The following LRRC41 variants were observed in gnomAD, a reference collection of about 807,000 sequenced individuals.
The protein encoded by LRRC41 is leucine rich repeat containing 41.
In LRRC41, 17 loss-of-function variants were observed where a neutral mutation model predicts 72.1. The observed-to-expected ratio is 0.24, with a 90% CI of 0.16 to 0.35. The LOEUF (loss-of-function observed/expected upper bound fraction) is 0.35. LRRC41 is among the 10% of genes least tolerant of loss of function. The pLI is 1.00. For synonymous variants in LRRC41, 427 were observed against 431.0 expected (o/e 0.99, Z 0.11); for missense variants, 759 against 1,065.0 (o/e 0.71, Z 4.00).
At chr1:46,301,160 AG>A (rs1302039399) in intron 1 of LRRC41, among the ~76,000 whole-genome samples, 7 of 152,096 alleles carry the variant, frequency 4.6e-5, no homozygotes, top group Admixed American at 2.0e-4. Context: ...TTGCAGCCAC[AG>A]GAATTCTCAT....
Position 46,285,726 on chromosome 1 carries a change from T to C in LRRC41, c.1131A>G (p.Ala377=). The change falls in exon 4 of 10, where the codon GCA becomes GCG. Residue 377 remains alanine (A), a synonymous_variant. Transcript: ENST00000617190. The surrounding 1 kb of genome is among the most constrained non-coding windows in gnomAD (Gnocchi z 5.3). The stretch of plus-strand genomic sequence containing the variant: ...TAGGCTGTGGGGCTGAGCTAGCTGG[T>C]GCCCGTTTGTATGAGGATGTAGAAG... ...ASSSTSSYKR[A]PASSAPQPKP... The C allele has an allele frequency of 6.2e-7, 1 of 1,608,402 alleles. No homozygotes were observed. Among genetic ancestry groups the C allele is most frequent in the Non-Finnish European group, 8.5e-7 (1 of 1,177,280 alleles).
chr1:46,302,123 C>T lies in LRRC41; in HGVS notation c.199+1001G>A, dbSNP rs1661246325. ...TCCCCGGCCGTTCATCCCGGCGCCC[C>T]AGGCCGCCCTCCATCCAGGCCCGGC... is the stretch of plus-strand genomic sequence containing the variant. On this transcript the variant is annotated intron_variant, in intron 1 of 9. Coordinates refer to ENST00000617190, the MANE Select transcript of LRRC41 (RefSeq NM_006369.5). The surrounding 1 kb of genome is among the most constrained non-coding windows in gnomAD (Gnocchi z 4.7). 4.1e-6 allele frequency: 4 copies of T among 985,254 alleles called. No individual in the cohort carries two copies. The East Asian group carries it at 4.6e-4, about 112-fold the overall frequency. 61.0% of individuals were successfully genotyped at this position (985,254 alleles called of 1,614,324 possible).
intron 3 of LRRC41, among the ~76,000 whole-genome samples, chr1:46,289,329 G>A (rs1173341783): frequency 2.0e-5 from 3 of 152,140 alleles, no homozygotes; most frequent in African/African-American, 7.2e-5. Flanking sequence ...TCTATAAAGT[G>A]GAAGATCACT....
In LRRC41 at chr1:46,286,245, C is replaced by T. The variant is rs1050851838; in HGVS notation, c.612G>A (p.Leu204=). The T allele has an allele frequency of 3.7e-6, 6 of 1,614,156 alleles. No homozygotes were observed. Among genetic ancestry groups the T allele is most frequent in the Non-Finnish European group, 5.1e-6 (6 of 1,180,066 alleles). The change falls in exon 4 of 10, where the codon CTG becomes CTA. Residue 204 remains leucine (L), a synonymous_variant. Transcript: ENST00000617190. This position sits in a 1 kb window ranked among gnomAD's most constrained non-coding sequence, Gnocchi z 5.5. ...ACTGCTGAGCAGCCACATCAGAGAA[C>T]AGCAGGTGGCGGAACTTGAGAGTGT... The part of the protein sequence containing the change: ...SLHTLKFRHL[L]FSDVAAQQSL...
intron 4 of LRRC41, among the ~76,000 whole-genome samples, chr1:46,281,987 G>A (rs1357961567): frequency 1.3e-5 from 2 of 151,978 alleles, no homozygotes; most frequent in South Asian, 2.1e-4. Flanking sequence ...GCTGAGGCAG[G>A]AGAATCACTT....
intron 3 of LRRC41, among the ~76,000 whole-genome samples, chr1:46,295,391 C>T (rs567289018): frequency 2.0e-5 from 3 of 152,332 alleles, no homozygotes; most frequent in African/African-American, 7.2e-5. Flanking sequence ...CCCAGTACTA[C>T]ACAGTTTGAA....
rs972459659 is a variant in LRRC41, at chr1:46,279,121, G to A, written c.2220-37C>T. On this transcript the variant is annotated intron_variant, in intron 9 of 9. Transcript: ENST00000617190. This position sits in a 1 kb window ranked among gnomAD's most constrained non-coding sequence, Gnocchi z 4.5. ...AGATGGATTAGATATCCAGGAAGCAGTGAATTCCTGGTCTATATCTCTGTA... is the reference window on the plus strand; with the variant it reads ...AGATGGATTAGATATCCAGGAAGCAATGAATTCCTGGTCTATATCTCTGTA... 4.4e-6 allele frequency: 7 copies of A among 1,606,478 alleles called. No homozygotes were observed. In the African/African-American group the frequency reaches 6.7e-5, roughly 15 times the overall value.
At chr1:46,298,435 G>T in intron 1 of LRRC41, 65 bp from the exon 2 acceptor site, 1 of 981,404 alleles carries the variant, frequency 1.0e-6, no homozygotes, top group Non-Finnish European at 1.5e-6. Flanking sequence ...AGGTTTCCAA[G>T]CATTATTTAT....
chr1:46,281,332 G>A lies in LRRC41; in HGVS notation c.1549C>T (p.Gln517Ter). 1 of 1,614,194 alleles carries A rather than the reference G, an allele frequency of 6.2e-7. No individual in the cohort carries two copies. Among genetic ancestry groups the A allele is most frequent in the Non-Finnish European group, 8.5e-7 (1 of 1,180,016 alleles). ...AGGGCACGGAGGCGACATCCAGCCTGGCCTGACAGGGCCCGCAGGCTGTCT... is the reference window on the plus strand; with the variant it reads ...AGGGCACGGAGGCGACATCCAGCCTAGCCTGACAGGGCCCGCAGGCTGTCT... The part of the protein sequence containing the change: ...LLDSLRALSG[Q>*]AGCRLRALHL... Residue 517 changes from glutamine (Q) to a stop codon, truncating the protein, a stop_gained, in exon 5 of 10, where the codon CAG becomes TAG. Coordinates refer to ENST00000617190, the MANE Select transcript of LRRC41 (RefSeq NM_006369.5). LOFTEE classifies it high-confidence loss of function.
At chr1:46,293,489 C>T (rs1661059752) in intron 3 of LRRC41, among the ~76,000 whole-genome samples, 1 of 152,156 alleles carries the variant, frequency 6.6e-6, no homozygotes, top group Non-Finnish European at 1.5e-5. Context: ...ATCTGACCAC[C>T]TTGGCATCCC....
At chr1:46,289,528 G>A (rs920074269) in intron 3 of LRRC41, among the ~76,000 whole-genome samples, 5 of 151,954 alleles carry the variant, frequency 3.3e-5, no homozygotes, top group South Asian at 4.2e-4. Context: ...TTGGGAGGCC[G>A]AGGCGGGGGG....
Position 46,302,235 on chromosome 1 carries a change from A to T in LRRC41, c.199+889T>A. ...TCTTGGCGGCGCCGCGCCCCCTGCC[A>T]CGGCAGCCCGGCAGTCCGGGATCCC... On this transcript the variant is annotated intron_variant, in intron 1 of 9. Transcript: ENST00000617190. The surrounding 1 kb of genome is among the most constrained non-coding windows in gnomAD (Gnocchi z 4.7). 1 of 984,768 alleles carries T rather than the reference A, an allele frequency of 1.0e-6. No homozygotes were observed. The highest frequency in any genetic ancestry group is 1.2e-6 in the Non-Finnish European group (1 of 829,710). 61.0% of individuals were successfully genotyped at this position (984,768 alleles called of 1,614,324 possible).
intron 2 of LRRC41, among the ~76,000 whole-genome samples, chr1:46,298,077 G>A (rs990488972): frequency 4.6e-5 from 7 of 152,178 alleles, no homozygotes; most frequent in Admixed American, 3.9e-4. Context: ...TGGTGTGCCT[G>A]TGTCTCACTT....
chr1:46,300,067 G>A (rs1043812124), intron 1 of LRRC41: 14 of 152,220 alleles, frequency 9.2e-5, no homozygotes, highest in African/African-American at 2.2e-4. Flanking sequence ...ACTCACACCT[G>A]TAATTCCTGT....
rs548648994 is a variant in LRRC41 at position 46,303,152 on chromosome 1, A to G, written c.171T>C (p.His57=). 18 of 1,526,790 alleles carry G rather than the reference A, an allele frequency of 1.2e-5. No individual in the cohort carries two copies. The East Asian group carries it at 3.9e-4, about 33-fold the overall frequency. 94.6% of individuals were successfully genotyped at this position (1,526,790 alleles called of 1,614,324 possible). Residue 57 remains histidine (H), a synonymous_variant, in exon 1 of 10, where the codon CAT becomes CAC. Transcript: ENST00000617190. ...FELCGRAVSA[H]MGVLESGVWA... is the part of the protein sequence containing the mutation. Reference sequence around the variant, plus strand: ...ACACCCCGCTCTCCAGAACCCCCATATGGGCGCTCACCGCCCGCCCGCACA... The same window carrying G: ...ACACCCCGCTCTCCAGAACCCCCATGTGGGCGCTCACCGCCCGCCCGCACA...
Position 46,303,584 on chromosome 1 carries a change from C to T in LRRC41, c.-262G>A, listed in dbSNP as rs1661296198. 4 of 941,776 alleles carry T rather than the reference C, an allele frequency of 4.2e-6. No individual in the cohort carries two copies. The highest frequency in any genetic ancestry group is 3.3e-5 in the South Asian group (2 of 60,258). The allele number at this position is 941,776 out of a possible 1,614,324, so 58.3% of individuals were successfully genotyped here. ...GGGTGCAAACATCAGCTACCCCTAA[C>T]CTCTGCCTGCGGCTGGTAGTACATG... On this transcript the variant is annotated 5_prime_UTR_variant, in exon 1 of 10. Coordinates refer to ENST00000617190, the MANE Select transcript of LRRC41 (RefSeq NM_006369.5).
chr1:46,279,827 C>T lies in LRRC41; in HGVS notation c.2021-213G>A, dbSNP rs555461150. On this transcript the variant is annotated intron_variant, in intron 7 of 9. Coordinates refer to ENST00000617190, the MANE Select transcript of LRRC41 (RefSeq NM_006369.5). This position sits in a 1 kb window ranked among gnomAD's most constrained non-coding sequence, Gnocchi z 4.5. ...CCTATAAGAAGGTTCTCTGCATGGA[C>T]AATTCTCCATTCACTTCCTTCTTTC... Among the ~76,000 whole-genome samples, 10 of 152,318 alleles carry T rather than the reference C, an allele frequency of 6.6e-5. No individual in the cohort carries two copies. In the East Asian group the frequency reaches 1.9e-3, roughly 29 times the overall value.
Position 46,279,314 on chromosome 1 carries a change from TCCCAA to T in LRRC41, c.2144-62_2144-58del. On this transcript the variant is annotated intron_variant, in intron 8 of 9. Transcript: ENST00000617190. The surrounding 1 kb of genome is among the most constrained non-coding windows in gnomAD (Gnocchi z 4.5). ...CACCCAAGAACAGGGGACAAGGGTA[TCCCAA>T]CCCAACTATGGCTGGCAGAACCAGC... 1 of 1,594,992 alleles carries T rather than the reference TCCCAA, an allele frequency of 6.3e-7. No homozygotes were observed. Among genetic ancestry groups the T allele is most frequent in the East Asian group, 2.2e-5 (1 of 44,782 alleles).
intron 1 of LRRC41, chr1:46,301,863 C>T (rs1330043828): frequency 3.9e-6 from 3 of 772,494 alleles, no homozygotes; most frequent in African/African-American, 3.8e-5. Context: ...GGGCCTGCCA[C>T]CTCTTCGCCC....
Sources: gnomAD v4.1 joint callset for allele counts (sites outside exome capture counted in the v4.1 genomes callset) on GRCh38, gnomAD v4.1.1 for gene constraint, Gnocchi (gnomAD v3.1) non-coding constraint, MANE v1.5 for transcripts, NCBI Gene and HGNC (gene_info 2026-07-23, HGNC 2026-07-21) for gene names.